CDH13: variants seen among roughly 807,000 people sequenced by gnomAD.
The protein encoded by CDH13 is cadherin-13.
A neutral mutation model predicts 63.8 loss-of-function variants in CDH13; 24 were observed. That is an observed-to-expected ratio of 0.38 (90% CI 0.27 to 0.53). CDH13 has a LOEUF of 0.53. CDH13 is among the 20% of genes least tolerant of loss of function. CDH13 has a pLI of 0.85. For missense variants in CDH13, 1,049 were observed against 903.1 expected, an observed-to-expected ratio of 1.16 and a Z score of -2.07; for synonymous variants, 503 against 355.3, an observed-to-expected ratio of 1.42 and a Z score of -4.67.
intron 1 of CDH13, among the ~76,000 whole-genome samples, chr16:82,747,060 T>G (rs1372817424): frequency 6.6e-6 from 1 of 152,236 alleles, no homozygotes; most frequent in African/African-American, 2.4e-5. Context: ...ACAATGTGAT[T>G]GATACAAACA....
chr16:83,415,889 G>T (rs752683306), intron 6 of CDH13, among the ~76,000 whole-genome samples: 7 of 152,114 alleles, frequency 4.6e-5, no homozygotes, highest in Non-Finnish European at 8.8e-5. Flanking sequence ...ACATAGTCCT[G>T]GAAGTCCTCA....
chr16:82,702,385 C>T (rs1597362189), intron 1 of CDH13, among the ~76,000 whole-genome samples: 1 of 152,290 alleles, frequency 6.6e-6, no homozygotes, highest in Non-Finnish European at 1.5e-5. Context: ...ACCTCCCCTG[C>T]TAGACACTGA....
intron 1 of CDH13, among the ~76,000 whole-genome samples, chr16:82,780,725 A>G (rs1401608313): frequency 6.6e-6 from 1 of 152,248 alleles, no homozygotes; most frequent in Non-Finnish European, 1.5e-5. Flanking sequence ...TTTAAATAAA[A>G]CATAACAGAG....
chr16:83,360,342 A>G (rs565155097), intron 6 of CDH13, among the ~76,000 whole-genome samples: 6 of 152,336 alleles, frequency 3.9e-5, no homozygotes, highest in African/African-American at 1.4e-4. Flanking sequence ...TAAATGAGAT[A>G]ATACACGTAG....
chr16:82,667,829 T>G (rs1446861575), intron 1 of CDH13, among the ~76,000 whole-genome samples: 1 of 152,172 alleles, frequency 6.6e-6, no homozygotes, highest in East Asian at 1.9e-4. Context: ...TGTCAGGCAT[T>G]CATGGCTGTG....
At chr16:83,341,939 C>A (rs2151358594) in intron 5 of CDH13, among the ~76,000 whole-genome samples, 1 of 150,064 alleles carries the variant, frequency 6.7e-6, no homozygotes, top group African/African-American at 2.4e-5. Context: ...TGAAACATTC[C>A]CTCAGCAATA....
intron 10 of CDH13, among the ~76,000 whole-genome samples, chr16:83,706,705 A>G (rs564346842): frequency 2.0e-5 from 3 of 152,358 alleles, no homozygotes; most frequent in African/African-American, 7.2e-5. Flanking sequence ...GTGTGCACAC[A>G]CACACAAGAC....
At chr16:82,694,192 A>G (rs1204539269) in intron 1 of CDH13, among the ~76,000 whole-genome samples, 1 of 152,234 alleles carries the variant, frequency 6.6e-6, no homozygotes, top group Non-Finnish European at 1.5e-5. Flanking sequence ...CAACTACCAG[A>G]TATGGATACT....
intron 7 of CDH13, among the ~76,000 whole-genome samples, chr16:83,535,180 G>A (rs1222867068): frequency 2.6e-5 from 4 of 152,214 alleles, no homozygotes; most frequent in South Asian, 2.1e-4. Flanking sequence ...CAGGCAGAGG[G>A]CACAGCATGT....
At chr16:82,653,620 A>T (rs953167575) in intron 1 of CDH13, among the ~76,000 whole-genome samples, 1 of 152,138 alleles carries the variant, frequency 6.6e-6, no homozygotes, top group Non-Finnish European at 1.5e-5. Flanking sequence ...GCCAAGGTGC[A>T]GGGCTGCAGG....
intron 2 of CDH13, among the ~76,000 whole-genome samples, chr16:83,021,545 A>T (rs1002312388): frequency 6.6e-6 from 1 of 152,236 alleles, no homozygotes. Flanking sequence ...TTTTTCCAAG[A>T]GGAAGCCCTT....
At chr16:83,158,023 A>G (rs1003289970) in intron 4 of CDH13, among the ~76,000 whole-genome samples, 4 of 152,156 alleles carry the variant, frequency 2.6e-5, no homozygotes, top group Admixed American at 2.6e-4. Flanking sequence ...CCGTGAACTC[A>G]TTCCAGGTAT....
At chr16:83,528,362 A>AT (rs1227543699) in intron 7 of CDH13, among the ~76,000 whole-genome samples, 1 of 152,050 alleles carries the variant, frequency 6.6e-6, no homozygotes, top group African/African-American at 2.4e-5. Context: ...ACGTGAAATT[A>AT]TTTTTCCATT....
At chr16:83,211,075 G>A (rs2039325607) in intron 4 of CDH13, among the ~76,000 whole-genome samples, 1 of 150,192 alleles carries the variant, frequency 6.7e-6, no homozygotes, top group Non-Finnish European at 1.5e-5. Context: ...TTGAAACCAG[G>A]AGGCAGAGGT....
At chr16:83,216,432 A>ATG in intron 4 of CDH13, among the ~76,000 whole-genome samples, 1 of 118,664 alleles carries the variant, frequency 8.4e-6, no homozygotes, top group African/African-American at 3.0e-5. Context: ...ATATATATAT[A>ATG]TATATATATA....
intron 6 of CDH13, among the ~76,000 whole-genome samples, chr16:83,426,256 G>A (rs2071892286): frequency 6.6e-6 from 1 of 152,126 alleles, no homozygotes; most frequent in African/African-American, 2.4e-5. Flanking sequence ...TTCTGGTTCA[G>A]TTTTCCTGTC....
chr16:83,172,551 A>AGCCCAAAAAT (rs2037966566), intron 4 of CDH13, among the ~76,000 whole-genome samples: 1 of 151,722 alleles, frequency 6.6e-6, no homozygotes, highest in Non-Finnish European at 1.5e-5. Context: ...TACATCTATA[A>AGCCCAAAAAT]GCCCAAAAAT....
intron 6 of CDH13, among the ~76,000 whole-genome samples, chr16:83,388,628 C>T (rs1318038167): frequency 6.6e-6 from 1 of 152,308 alleles, no homozygotes; most frequent in Middle Eastern, 3.4e-3. Context: ...ATTTACCAAT[C>T]TCTGCATGGC....
chr16:83,086,149 C>A (rs973615456), intron 3 of CDH13, among the ~76,000 whole-genome samples: 1 of 152,178 alleles, frequency 6.6e-6, no homozygotes, highest in Non-Finnish European at 1.5e-5. Flanking sequence ...AGATACCAGG[C>A]CACTGGTGTC....
Sources: allele counts gnomAD v4.1 joint callset (sites outside exome capture counted in the v4.1 genomes callset), GRCh38; gene constraint gnomAD v4.1.1; transcripts MANE v1.5; gene names NCBI Gene and HGNC (gene_info 2026-07-23, HGNC 2026-07-21).